CNTNAP4: variants seen among roughly 807,000 people sequenced by gnomAD.
CNTNAP4 encodes contactin associated protein family member 4.
Under a neutral mutation model 148.4 loss-of-function variants are expected in CNTNAP4, and 98 were observed. That is an observed-to-expected ratio of 0.66 (90% CI 0.56 to 0.78). The LOEUF is 0.78. Ranked by LOEUF, CNTNAP4 falls within the 30% of genes least tolerant of loss-of-function variation. CNTNAP4 has a pLI of 0.00. For synonymous variants in CNTNAP4, 730 were observed against 565.1 expected, an observed-to-expected ratio of 1.29 and a Z score of -4.14; for missense variants, 1,935 against 1,565.6, an observed-to-expected ratio of 1.24 and a Z score of -3.98.
At chr16:76,411,804 C>CATGCTTA (rs2078805558) in intron 3 of CNTNAP4, among the ~76,000 whole-genome samples, 1 of 151,156 alleles carries the variant, frequency 6.6e-6, no homozygotes, top group Non-Finnish European at 1.5e-5. Flanking sequence ...TTTCATGTAA[C>CATGCTTA]TTTTTATAAT....
intron 4 of CNTNAP4, among the ~76,000 whole-genome samples, chr16:76,434,816 C>T (rs1472892082): frequency 2.0e-5 from 3 of 152,160 alleles, no homozygotes; most frequent in African/African-American, 7.2e-5. Flanking sequence ...CATCCTGGCA[C>T]TGGGGAAATG....
chr16:76,324,030 T>C (rs1962707264), intron 2 of CNTNAP4, among the ~76,000 whole-genome samples: 1 of 152,182 alleles, frequency 6.6e-6, no homozygotes, highest in African/African-American at 2.4e-5. Flanking sequence ...CTATCTTCTG[T>C]TTCTAACTCT....
At chr16:76,498,205 A>G (rs2082471455) in intron 14 of CNTNAP4, among the ~76,000 whole-genome samples, 2 of 152,148 alleles carry the variant, frequency 1.3e-5, no homozygotes, top group South Asian at 4.1e-4. Context: ...AGCCTGGCCA[A>G]CATGGCAAAA....
At chr16:76,439,776 T>C (rs1000112981) in intron 4 of CNTNAP4, among the ~76,000 whole-genome samples, 5 of 152,158 alleles carry the variant, frequency 3.3e-5, no homozygotes, top group Non-Finnish European at 7.4e-5. Flanking sequence ...TCCTTTTTAT[T>C]GTATTAATTT....
In CNTNAP4 at chr16:76,498,695, G is replaced by C; in HGVS notation, c.2365+1G>C. 6.2e-7 allele frequency: 1 copy of C among 1,601,310 alleles called. No homozygotes were observed. Among genetic ancestry groups the C allele is most frequent in the Non-Finnish European group, 8.5e-7 (1 of 1,175,270 alleles). On this transcript the variant is annotated splice_donor_variant, in intron 15 of 23. Coordinates refer to ENST00000611870, the MANE Select transcript of CNTNAP4 (RefSeq NM_033401.5). LOFTEE classifies it high-confidence loss of function. ...GGGCCTCTGCTCTGCCAGGGAGACA[G>C]TAAGTGGTTACAATGTGTTGAAACC...
At chr16:76,379,247 G>T (rs1448139335) in intron 3 of CNTNAP4, among the ~76,000 whole-genome samples, 1 of 152,086 alleles carries the variant, frequency 6.6e-6, no homozygotes, top group African/African-American at 2.4e-5. Context: ...ATGGTTGTTG[G>T]CTGTGGCTAT....
chr16:76,445,965 G>A (rs567413533), intron 4 of CNTNAP4, among the ~76,000 whole-genome samples: 13 of 152,192 alleles, frequency 8.5e-5, no homozygotes, highest in African/African-American at 2.9e-4. Flanking sequence ...TTTCCCATGC[G>A]CATTCATTCA....
At position 76,495,165 on chromosome 16, in the gene CNTNAP4, C is replaced by T. The variant is rs2082359371; in HGVS notation, c.2237+99C>T. 9.7e-6 allele frequency: 12 copies of T among 1,233,602 alleles called. No homozygotes were observed. In the South Asian group the frequency reaches 9.8e-5, roughly 10 times the overall value. The allele number at this position is 1,233,602 out of a possible 1,614,324, so 76.4% of individuals were successfully genotyped here. ...TAGCCAGATACTGAACAAGTTAGTGCAATGAAGTAATTAAATAAAGGTTTG... is the reference window on the plus strand; with the variant it reads ...TAGCCAGATACTGAACAAGTTAGTGTAATGAAGTAATTAAATAAAGGTTTG... On this transcript the variant is annotated intron_variant, in intron 14 of 23. Coordinates refer to ENST00000611870, the MANE Select transcript of CNTNAP4 (RefSeq NM_033401.5).
chr16:76,551,538 T>C (rs1415332564), intron 21 of CNTNAP4, among the ~76,000 whole-genome samples: 1 of 152,066 alleles, frequency 6.6e-6, no homozygotes, highest in African/African-American at 2.4e-5. Context: ...AAAGAGTATC[T>C]CAACCAGAGA....
At chr16:76,293,819 CTTT>C (rs1209734206) in intron 1 of CNTNAP4, among the ~76,000 whole-genome samples, 115 of 137,344 alleles carry the variant, frequency 8.4e-4, no homozygotes, top group Middle Eastern at 7.7e-3. Flanking sequence ...GAACAAGCTG[CTTT>C]TTTTTTTTTT....
intron 12 of CNTNAP4, among the ~76,000 whole-genome samples, chr16:76,483,231 A>AACACACACACACACACACACAC (rs59206208): frequency 7.1e-6 from 1 of 140,014 alleles, no homozygotes; most frequent in African/African-American, 2.6e-5. Context: ...AGTTTTAAGA[A>AACACACACACACACACACACAC]ACACACACAC....
intron 17 of CNTNAP4, among the ~76,000 whole-genome samples, chr16:76,532,773 A>G (rs2084041630): frequency 6.6e-6 from 1 of 152,144 alleles, no homozygotes; most frequent in Non-Finnish European, 1.5e-5. Context: ...ACGCCAAAAG[A>G]ATCCTGGCCA....
chr16:76,402,003 C>A (rs1568015520), intron 3 of CNTNAP4, among the ~76,000 whole-genome samples: 1 of 152,018 alleles, frequency 6.6e-6, no homozygotes, highest in Non-Finnish European at 1.5e-5. Flanking sequence ...CTGAAGTTTT[C>A]TATTTTTGTT....
At chr16:76,347,406 G>C (rs1302656156) in intron 2 of CNTNAP4, among the ~76,000 whole-genome samples, 2 of 152,054 alleles carry the variant, frequency 1.3e-5, no homozygotes, top group Non-Finnish European at 2.9e-5. Flanking sequence ...GTCTATCAAT[G>C]AATAAAACAG....
At chr16:76,381,894 A>G (rs2016008386) in intron 3 of CNTNAP4, among the ~76,000 whole-genome samples, 1 of 151,980 alleles carries the variant, frequency 6.6e-6, no homozygotes, top group African/African-American at 2.4e-5. Flanking sequence ...CCCTGTCTCT[A>G]CTAAAAATAC....
At chr16:76,411,789 C>A (rs536768176) in intron 3 of CNTNAP4, among the ~76,000 whole-genome samples, 43 of 151,376 alleles carry the variant, frequency 2.8e-4, no homozygotes, top group African/African-American at 1.0e-3. Flanking sequence ...AGTTAGCATG[C>A]TTATTTTCAT....
intron 3 of CNTNAP4, among the ~76,000 whole-genome samples, chr16:76,398,971 G>A (rs966819066): frequency 6.6e-6 from 1 of 152,032 alleles, no homozygotes; most frequent in African/African-American, 2.4e-5. Context: ...GAATTATGGG[G>A]CAGTTTTCCC....
At chr16:76,548,510 T>C (rs1159438468) in intron 21 of CNTNAP4, among the ~76,000 whole-genome samples, 3 of 151,960 alleles carry the variant, frequency 2.0e-5, no homozygotes, top group Non-Finnish European at 4.4e-5. Context: ...AAACAGTCGT[T>C]TCTCTGTAAT....
At chr16:76,324,905 T>C (rs745897187) in intron 2 of CNTNAP4, among the ~76,000 whole-genome samples, 1 of 152,182 alleles carries the variant, frequency 6.6e-6, no homozygotes, top group African/African-American at 2.4e-5. Context: ...CCAAATGCCA[T>C]CACACTGGGG....
Sources: allele counts gnomAD v4.1 joint callset (sites outside exome capture counted in the v4.1 genomes callset), GRCh38; gene constraint gnomAD v4.1.1; transcripts MANE v1.5; gene names NCBI Gene and HGNC (gene_info 2026-07-23, HGNC 2026-07-21).